Variants in KRT19 observed in about 807,000 individuals in gnomAD.
KRT19 encodes the protein keratin 19.
KRT19 carries 21 observed loss-of-function variants against 34.6 expected under a neutral mutation model. The ratio of observed to expected loss-of-function variants is 0.61; its 90% CI spans 0.43 to 0.87. The LOEUF (loss-of-function observed/expected upper bound fraction) is 0.87. Ranked by LOEUF, KRT19 falls within the 40% of genes least tolerant of loss-of-function variation. The probability of loss-of-function intolerance (pLI) is 0.00; values close to 1 mark genes in which losing one functional copy is unlikely to be tolerated. For synonymous variants in KRT19, 240 were observed against 245.8 expected, an observed-to-expected ratio of 0.98 and a Z score of 0.22; for missense variants, 514 against 545.7, an observed-to-expected ratio of 0.94 and a Z score of 0.58.
intron 1 of KRT19, 72 bp downstream of exon 1, chr17:41,527,756 C>T (rs1905917737): frequency 6.7e-7 from 1 of 1,487,502 alleles, no homozygotes; most frequent in Non-Finnish European, 9.0e-7. Flanking sequence ...CCGCCTGGAA[C>T]CTCGCCCGGC....
In KRT19 at chr17:41,524,154, G is replaced by A; in HGVS notation, c.937C>T (p.Gln313Ter). 2 of 1,613,872 alleles carry A rather than the reference G, an allele frequency of 1.2e-6. No homozygotes were observed. Among genetic ancestry groups the A allele is most frequent in the South Asian group, 2.2e-5 (2 of 91,038 alleles). The change falls in exon 5 of 6, where the codon CAG becomes TAG. Residue 313 changes from glutamine to a stop codon, truncating the protein, a stop_gained. Coordinates refer to ENST00000361566, the MANE Select transcript of KRT19 (RefSeq NM_002276.5). LOFTEE classifies it high-confidence loss of function. ...LQGLEIELQSQLSMKAALEDT... is the reference protein window; with the variant it reads ...LQGLEIELQS Reference sequence around the variant, plus strand: ...GGGGGGACACATACCATGCTCAGCTGTGACTGCAGCTCAATCTCAAGACCC... The same window carrying A: ...GGGGGGACACATACCATGCTCAGCTATGACTGCAGCTCAATCTCAAGACCC...
intron 1 of KRT19, 105 bp from the exon 2 acceptor site, chr17:41,525,378 C>T (rs1358675444): frequency 2.3e-6 from 2 of 874,404 alleles, no homozygotes; most frequent in Admixed American, 3.6e-5. Context: ...CCCCGGCACC[C>T]TAGAGACCAA....
At position 41,525,229 on chromosome 17, in the gene KRT19, G is replaced by A. The variant is rs142747608; in HGVS notation, c.465C>T (p.Ile155=). 3.1e-4 allele frequency: 503 copies of A among 1,613,836 alleles called. No homozygotes were observed. The African/African-American group carries it at 4.9e-3, about 16-fold the overall frequency. The part of the protein sequence containing the change: ...TIENSRIVLQ[I]DNARLAADDF... ...CATCTGCAGCCAGACGGGCATTGTC[G>A]ATCTGCAGGACAATCCTGGAGTTCT... Residue 155 remains isoleucine, a synonymous_variant, in exon 2 of 6, where the codon ATC becomes ATT. Transcript: ENST00000361566.
At chr17:41,526,594 C>T (rs1905875649) in intron 1 of KRT19, among the ~76,000 whole-genome samples, 1 of 54,238 alleles carries the variant, frequency 1.8e-5, no homozygotes, top group Non-Finnish European at 3.4e-5. Flanking sequence ...TTTTTTGAGA[C>T]GGACTCTCGC....
chr17:41,527,251 C>A (rs1905899605), intron 1 of KRT19, among the ~76,000 whole-genome samples: 2 of 152,220 alleles, frequency 1.3e-5, no homozygotes, highest in African/African-American at 4.8e-5. Flanking sequence ...GCCCAGGGGC[C>A]ACGACCGGCT....
Position 41,524,908 on chromosome 17 carries a change from C to G in KRT19, c.595G>C (p.Asp199His), listed in dbSNP as rs370517527. 3 of 1,614,242 alleles carry G rather than the reference C, an allele frequency of 1.9e-6. No individual in the cohort carries two copies. The highest frequency in any genetic ancestry group is 2.5e-6 in the Non-Finnish European group (3 of 1,180,044). ...VLDELTLARTDLEMQIEGLKE... is the reference protein window; with the variant it reads ...VLDELTLARTHLEMQIEGLKE... ...AGGCCTTCGATCTGCATCTCCAGGT[C>G]GGTCCTGGCCAGGGTCAGCTCATCC... Residue 199 changes from aspartate to histidine, a missense_variant, in exon 3 of 6, where the codon GAC becomes CAC. Physicochemically the swap from Asp to His is moderately conservative, Grantham distance 81. Transcript: ENST00000361566.
intron 5 of KRT19, 73 bp from the exon 6 acceptor site, chr17:41,524,070 C>T: frequency 1.3e-6 from 2 of 1,598,464 alleles, no homozygotes; most frequent in Middle Eastern, 1.7e-4. Flanking sequence ...CAGCCACCGG[C>T]CAGGCTGCCC....
At position 41,527,862 on chromosome 17, in the gene KRT19, T is replaced by C; in HGVS notation, c.386A>G (p.His129Arg). The change falls in exon 1 of 6, where the codon CAC (histidine) becomes CGC (arginine). Residue 129 changes from histidine to arginine, a missense_variant. By Grantham distance (29) the His-to-Arg change is conservative. Transcript: ENST00000361566. ...QGPGPSRDYS[H>R]YYTTIQDLRD... ...CAGGTCCTGGATGGTCGTGTAGTAG[T>C]GGCTGTAGTCGCGGGAGGGCCCAGG... 1 of 1,612,168 alleles carries C rather than the reference T, an allele frequency of 6.2e-7. No homozygotes were observed. Among genetic ancestry groups the C allele is most frequent in the Non-Finnish European group, 8.5e-7 (1 of 1,178,940 alleles).
rs760571821 is a variant in KRT19, at chr17:41,524,649, G to A, written c.661-109C>T. The A allele has an allele frequency of 6.8e-6, 9 of 1,323,376 alleles. 1 individual carries two copies. The South Asian group carries it at 1.0e-4, about 15-fold the overall frequency. The allele number at this position is 1,323,376 out of a possible 1,614,324, so 82.0% of individuals were successfully genotyped here. A position where few individuals can be genotyped will look rare whatever the true frequency, so the allele number is the denominator to read the frequency against. On this transcript the variant is annotated intron_variant, in intron 3 of 5. Transcript: ENST00000361566. ...AAAGGGGCTTAGTTTTCAGGTGCAG[G>A]CCTAGTAACTAGCACTGGGGGACAG...
Position 41,524,969 on chromosome 17 carries a change from G to T in KRT19, c.534C>A (p.Ser178Arg). Residue 178 changes from serine to arginine, a missense_variant, in exon 3 of 6, where the codon AGC becomes AGA. Ser to Arg is a moderately radical substitution (Grantham distance 110). Coordinates refer to ENST00000361566, the MANE Select transcript of KRT19 (RefSeq NM_002276.5). ...GCAGGCCGTTGATGTCGGCCTCCAC[G>T]CTCATGCGCAGAGCCTGTTCCGTCT... Reference protein sequence around the residue: ...KFETEQALRMSVEADINGLRR... With the variant: ...KFETEQALRMRVEADINGLRR... 1 of 1,614,212 alleles carries T rather than the reference G, an allele frequency of 6.2e-7. No homozygotes were observed. Among genetic ancestry groups the T allele is most frequent in the Non-Finnish European group, 8.5e-7 (1 of 1,180,032 alleles).
In KRT19 at chr17:41,523,958, G is replaced by T. The variant is rs368104623; in HGVS notation, c.988C>A (p.Arg330Ser). The stretch of plus-strand genomic sequence containing the variant: ...ATATGCGCCAGCTGGGCTCCAAAGC[G>T]CGCCTCCGTTTCTGCCAGTGTGTCT... ...LEDTLAETEA[R>S]FGAQLAHIQA... The change falls in exon 6 of 6, where the codon CGC (arginine) becomes AGC (serine). Residue 330 changes from arginine to serine, a missense_variant. Coordinates refer to ENST00000361566, the MANE Select transcript of KRT19 (RefSeq NM_002276.5). 12 of 1,613,148 alleles carry T rather than the reference G, an allele frequency of 7.4e-6. No homozygotes were observed. In the East Asian group the frequency reaches 1.8e-4, roughly 24 times the overall value.
Position 41,524,779 on chromosome 17 carries a change from T to C in KRT19, c.660+64A>G, listed in dbSNP as rs1157592922. Reference sequence around the variant, plus strand: ...GTTACCACGGTCAGAGAATACAGAATAAAAGAGTCTTCAGCCCTGGGAGGT... The same window carrying C: ...GTTACCACGGTCAGAGAATACAGAACAAAAGAGTCTTCAGCCCTGGGAGGT... On this transcript the variant is annotated intron_variant, in intron 3 of 5. Transcript: ENST00000361566. 1.0e-5 allele frequency: 16 copies of C among 1,569,834 alleles called. No individual in the cohort carries two copies. The East Asian group carries it at 3.1e-4, about 31-fold the overall frequency.
At position 41,523,833 on chromosome 17, in the gene KRT19, C is replaced by T. The variant is rs745492063; in HGVS notation, c.1113G>A (p.Ser371=). ...QEYQRLMDIK[S]RLEQEIATYR... ...AGGTGGCAATCTCCTGCTCCAGCCGCGACTTGATGTCCATGAGCCGCTGGT... is the reference window on the plus strand; with the variant it reads ...AGGTGGCAATCTCCTGCTCCAGCCGTGACTTGATGTCCATGAGCCGCTGGT... Residue 371 remains serine (S), a synonymous_variant, in exon 6 of 6, where the codon TCG becomes TCA. Transcript: ENST00000361566. 20 of 1,613,850 alleles carry T rather than the reference C, an allele frequency of 1.2e-5. No homozygotes were observed. Among genetic ancestry groups the T allele is most frequent in the Middle Eastern group, 1.7e-4 (1 of 5,918 alleles).
At position 41,528,177 on chromosome 17, in the gene KRT19, C is replaced by A. The variant is rs561307487; in HGVS notation, c.71G>T (p.Arg24Leu). ...GCGAAAGGCGACCCCCGGCCCAAAA[C>A]GCACGGAGCCGCCGCCCAGGCCTCC... ...SFGGLGGGSV[R>L]FGPGVAFRAP... Residue 24 changes from arginine (R) to leucine (L), a missense_variant, in exon 1 of 6, where the codon CGT becomes CTT. Transcript: ENST00000361566. 6.3e-7 allele frequency: 1 copy of A among 1,591,614 alleles called. No individual in the cohort carries two copies. The highest frequency in any genetic ancestry group is 8.5e-7 in the Non-Finnish European group (1 of 1,174,898).
Position 41,528,102 on chromosome 17 carries a change from G to A in KRT19, c.146C>T (p.Ser49Phe), listed in dbSNP as rs11550878. ...GSGGRGVSVSSARFVSSSSSG... is the reference protein window; with the variant it reads ...GSGGRGVSVSFARFVSSSSSG... Reference sequence around the variant, plus strand: ...GGAGGACGAGGACACAAAGCGGGCGGAGGACACGGATACGCCGCGGCCGCC... The same window carrying A: ...GGAGGACGAGGACACAAAGCGGGCGAAGGACACGGATACGCCGCGGCCGCC... The change falls in exon 1 of 6, where the codon TCC (serine) becomes TTC (phenylalanine). Residue 49 changes from serine to phenylalanine, a missense_variant. Ser to Phe is a radical substitution (Grantham distance 155). Coordinates refer to ENST00000361566, the MANE Select transcript of KRT19 (RefSeq NM_002276.5). 6.2e-7 allele frequency: 1 copy of A among 1,609,606 alleles called. No homozygotes were observed. The highest frequency in any genetic ancestry group is 1.1e-5 in the South Asian group (1 of 90,898).
chr17:41,524,851 G>T lies in KRT19; in HGVS notation c.652C>A (p.His218Asn). The change falls in exon 3 of 6, where the codon CAT becomes AAT. Residue 218 changes from histidine to asparagine, a missense_variant. His to Asn is a moderately conservative substitution (Grantham distance 68). Transcript: ENST00000361566. ...KEELAYLKKN[H>N]EEEISTLRGQ... ...CCCAGCTTCAAACCCACCTCCTCAT[G>T]GTTCTTCTTCAGGTAGGCCAGCTCT... 6.2e-7 allele frequency: 1 copy of T among 1,613,846 alleles called. No homozygotes were observed. Among genetic ancestry groups the T allele is most frequent in the African/African-American group, 1.3e-5 (1 of 75,046 alleles).
Position 41,525,014 on chromosome 17 carries a change from A to G in KRT19, c.504-15T>C. On this transcript the variant is annotated splice_polypyrimidine_tract_variant and intron_variant, in intron 2 of 5. Transcript: ENST00000361566. ...CCGTCTCAAACCTTTCAAAGGAAAT[A>G]GTTGCAGCCAGGCAGAGCTTCCTCA... 2 of 1,611,438 alleles carry G rather than the reference A, an allele frequency of 1.2e-6. No individual in the cohort carries two copies. The highest frequency in any genetic ancestry group is 1.1e-5 in the South Asian group (1 of 91,010).
Position 41,528,043 on chromosome 17 carries a change from G to C in KRT19, c.205C>G (p.Leu69Val). 3.7e-6 allele frequency: 6 copies of C among 1,611,192 alleles called. No homozygotes were observed. The highest frequency in any genetic ancestry group is 4.2e-6 in the Non-Finnish European group (5 of 1,179,524). The change falls in exon 1 of 6, where the codon CTG becomes GTG. Residue 69 changes from leucine (L) to valine (V), a missense_variant. Leu to Val is a conservative substitution (Grantham distance 32, BLOSUM62 1). Coordinates refer to ENST00000361566, the MANE Select transcript of KRT19 (RefSeq NM_002276.5). The stretch of plus-strand genomic sequence containing the variant: ...GCCAGCAGCCCGTCGGACGCGGTCA[G>C]GACGCCGCCGTAGCCGCCGCCGTAG... Reference protein sequence around the residue: ...GAYGGGYGGVLTASDGLLAGN... With the variant: ...GAYGGGYGGVVTASDGLLAGN...
chr17:41,527,691 T>C (rs1423473100), intron 1 of KRT19, 137 bp downstream of exon 1: 2 of 919,564 alleles, frequency 2.2e-6, no homozygotes, highest in East Asian at 5.5e-5. Flanking sequence ...TGTCCCCCTT[T>C]ACTCGGCCCC....
Sources: gnomAD v4.1 joint callset for allele counts (sites outside exome capture counted in the v4.1 genomes callset) on GRCh38, gnomAD v4.1.1 for gene constraint, MANE v1.5 for transcripts, NCBI Gene and HGNC (gene_info 2026-07-23, HGNC 2026-07-21) for gene names.